SLIT2: variants seen among roughly 807,000 people sequenced by gnomAD.
SLIT2 encodes the protein slit guidance ligand 2.
In SLIT2, 41 loss-of-function variants were observed where a neutral mutation model predicts 185.7. That is an observed-to-expected ratio of 0.22 (90% CI 0.17 to 0.29). The LOEUF (loss-of-function observed/expected upper bound fraction) is 0.29, where lower values mean the gene tolerates loss of function less well. Among genes scored for constraint, SLIT2 ranks in the 10% least tolerant of loss-of-function variants. SLIT2 has a pLI of 1.00. For missense variants in SLIT2, 1,571 were observed against 1,909.0 expected (o/e 0.82, Z 3.30); for synonymous variants, 693 against 680.2 (o/e 1.02, Z -0.29).
chr4:20,597,011 T>G (rs933744411), intron 32 of SLIT2, among the ~76,000 whole-genome samples: 10 of 151,228 alleles, frequency 6.6e-5, no homozygotes, highest in African/African-American at 2.4e-4. Flanking sequence ...CTAGGAAGGG[T>G]GCAGGCGAGA....
intron 4 of SLIT2, among the ~76,000 whole-genome samples, chr4:20,294,819 A>C (rs1436300012): frequency 2.6e-5 from 4 of 152,216 alleles, no homozygotes; most frequent in Non-Finnish European, 1.5e-5. Flanking sequence ...TAAATTGAGA[A>C]GTGACATCAT....
chr4:20,471,210 A>G (rs1317836228), intron 5 of SLIT2, among the ~76,000 whole-genome samples: 1 of 152,190 alleles, frequency 6.6e-6, no homozygotes, highest in African/African-American at 2.4e-5. Context: ...ATTTTCTAGG[A>G]TTAAAAAATA....
Position 20,528,802 on chromosome 4 carries a change from C to A in SLIT2, c.1463-147C>A, listed in dbSNP as rs1335893146. ...GAAAATTCCAAGCCTTTCTTTTAAC[C>A]TTTCTCCTGACATCCATTGACCAAA... On this transcript the variant is annotated intron_variant, in intron 15 of 36. Transcript: ENST00000504154. The surrounding 1 kb of genome is among the most constrained non-coding windows in gnomAD (Gnocchi z 4.2). 1 of 557,202 alleles carries A rather than the reference C, an allele frequency of 1.8e-6. No individual in the cohort carries two copies. Among genetic ancestry groups the A allele is most frequent in the Non-Finnish European group, 3.1e-6 (1 of 321,244 alleles). The allele number at this position is 557,202 out of a possible 1,614,324, so 34.5% of individuals were successfully genotyped here.
chr4:20,613,658 G>A (rs552931188), intron 34 of SLIT2, among the ~76,000 whole-genome samples: 3 of 152,150 alleles, frequency 2.0e-5, no homozygotes, highest in African/African-American at 7.2e-5. Flanking sequence ...CACTGTTGGT[G>A]GGGAGTGTAA....
intron 9 of SLIT2, among the ~76,000 whole-genome samples, chr4:20,496,132 A>G (rs1380250790): frequency 6.6e-6 from 1 of 152,202 alleles, no homozygotes; most frequent in Non-Finnish European, 1.5e-5. Context: ...GTCTCATGAT[A>G]TAATTCTAAT....
intron 4 of SLIT2, among the ~76,000 whole-genome samples, chr4:20,370,694 A>C (rs1317770122): frequency 6.6e-6 from 1 of 152,112 alleles, no homozygotes; most frequent in Non-Finnish European, 1.5e-5. Flanking sequence ...AATGGCTATG[A>C]GGAAGTGACT....
chr4:20,553,757 ATGTG>A (rs754599081), intron 25 of SLIT2, 44 bp from the exon 26 acceptor site: 2 of 1,163,252 alleles, frequency 1.7e-6, no homozygotes, highest in Non-Finnish European at 2.3e-6. Flanking sequence ...GTGTGTGTGT[ATGTG>A]TGTGTGTGTA....
intron 4 of SLIT2, among the ~76,000 whole-genome samples, chr4:20,406,401 G>C (rs1196946318): frequency 7.0e-6 from 1 of 143,150 alleles, no homozygotes; most frequent in Non-Finnish European, 1.6e-5. Context: ...ACCACTGAAG[G>C]ATTTACATAC....
chr4:20,315,804 A>G (rs1025218087), intron 4 of SLIT2, among the ~76,000 whole-genome samples: 1 of 152,096 alleles, frequency 6.6e-6, no homozygotes, highest in African/African-American at 2.4e-5. Flanking sequence ...TAATTGAAAT[A>G]TATTGAGAAT....
At chr4:20,391,441 C>A (rs1015498812) in intron 4 of SLIT2, among the ~76,000 whole-genome samples, 1 of 151,920 alleles carries the variant, frequency 6.6e-6, no homozygotes. Flanking sequence ...GTGGAAAGAT[C>A]ATATTTGGCA....
At chr4:20,411,490 A>G (rs1485969328) in intron 4 of SLIT2, among the ~76,000 whole-genome samples, 1 of 152,196 alleles carries the variant, frequency 6.6e-6, no homozygotes, top group Non-Finnish European at 1.5e-5. Flanking sequence ...CCTTGCTCTC[A>G]TCCAAACCTC....
At chr4:20,434,474 C>T (rs545448215) in intron 4 of SLIT2, among the ~76,000 whole-genome samples, 4 of 151,822 alleles carry the variant, frequency 2.6e-5, no homozygotes, top group South Asian at 2.1e-4. Context: ...GCAACAAGAG[C>T]GAAACTCTGT....
At chr4:20,451,707 A>G (rs1712497048) in intron 4 of SLIT2, among the ~76,000 whole-genome samples, 1 of 152,190 alleles carries the variant, frequency 6.6e-6, no homozygotes, top group South Asian at 2.1e-4. Flanking sequence ...CTTTGTAACA[A>G]ATTGATTTAA....
At chr4:20,375,818 A>T (rs1039584686) in intron 4 of SLIT2, among the ~76,000 whole-genome samples, 1 of 152,096 alleles carries the variant, frequency 6.6e-6, no homozygotes, top group Non-Finnish European at 1.5e-5. Context: ...AGTGTCATAC[A>T]TAAAAATGCA....
chr4:20,455,296 T>C (rs1281422421), intron 4 of SLIT2, among the ~76,000 whole-genome samples: 1 of 152,142 alleles, frequency 6.6e-6, no homozygotes, highest in Non-Finnish European at 1.5e-5. Context: ...CAATATAATC[T>C]AATGTCTAGA....
chr4:20,495,576 A>G (rs964850802), intron 9 of SLIT2, among the ~76,000 whole-genome samples: 2 of 152,196 alleles, frequency 1.3e-5, no homozygotes, highest in East Asian at 3.9e-4. Context: ...TAGATTTTGT[A>G]TAATGGTGGG....
chr4:20,324,942 T>G (rs73234450), intron 4 of SLIT2, among the ~76,000 whole-genome samples: 11,223 of 152,148 alleles, frequency 0.074, 560 homozygotes, highest in Non-Finnish European at 0.11. Context: ...GTTAATTATA[T>G]TTTGCTTTTT....
intron 15 of SLIT2, 53 bp downstream of exon 15, chr4:20,525,225 TA>T: frequency 7.4e-7 from 1 of 1,344,266 alleles, no homozygotes; most frequent in Non-Finnish European, 1.1e-6. Context: ...CCTCACCTTA[TA>T]AAATATAGCT....
chr4:20,345,189 C>T (rs1338091642), intron 4 of SLIT2, among the ~76,000 whole-genome samples: 2 of 152,146 alleles, frequency 1.3e-5, no homozygotes, highest in African/African-American at 2.4e-5. Context: ...CATTATGGCA[C>T]ACCTCCCCAA....
Sources: gnomAD v4.1 joint callset for allele counts (sites outside exome capture counted in the v4.1 genomes callset) on GRCh38, gnomAD v4.1.1 for gene constraint, Gnocchi (gnomAD v3.1) non-coding constraint, MANE v1.5 for transcripts, NCBI Gene and HGNC (gene_info 2026-07-23, HGNC 2026-07-21) for gene names.